MDGA2: variants seen among roughly 807,000 people sequenced by gnomAD.
MDGA2 encodes MAM domain-containing glycosylphosphatidylinositol anchor protein 2.
MDGA2 carries 40 observed loss-of-function variants against 117.8 expected under a neutral mutation model. That is an observed-to-expected ratio of 0.34 (90% CI 0.26 to 0.44). The LOEUF (loss-of-function observed/expected upper bound fraction) is 0.44. MDGA2 is among the 20% of genes least tolerant of loss of function. The pLI is 1.00. For missense variants in MDGA2, 1,123 were observed against 1,250.6 expected (o/e 0.90, Z 1.54); for synonymous variants, 452 against 439.0 (o/e 1.03, Z -0.37).
intron 1 of MDGA2, among the ~76,000 whole-genome samples, chr14:47,329,197 G>A (rs1314464055): frequency 2.0e-5 from 3 of 152,008 alleles, no homozygotes; most frequent in African/African-American, 7.2e-5. Flanking sequence ...CCCTCAAAGT[G>A]TTGAGATTAC....
At chr14:47,586,148 G>C (rs1896321064) in intron 1 of MDGA2, among the ~76,000 whole-genome samples, 1 of 151,852 alleles carries the variant, frequency 6.6e-6, no homozygotes, top group Non-Finnish European at 1.5e-5. Flanking sequence ...GTTAAATTAA[G>C]CTTGTTTCAA....
intron 1 of MDGA2, among the ~76,000 whole-genome samples, chr14:47,621,328 T>A (rs753346934): frequency 1.3e-5 from 2 of 151,998 alleles, no homozygotes; most frequent in Non-Finnish European, 2.9e-5. Flanking sequence ...CTGCCCAACC[T>A]CCCTCATCTT....
chr14:47,341,870 G>A (rs77154221), intron 1 of MDGA2, among the ~76,000 whole-genome samples: 25,333 of 151,942 alleles, frequency 0.17, 2,525 homozygotes, highest in South Asian at 0.34. Flanking sequence ...ACAGACTCTC[G>A]CTCTGTGGCC....
chr14:47,270,052 A>T (rs960897577), intron 2 of MDGA2, among the ~76,000 whole-genome samples: 5 of 152,170 alleles, frequency 3.3e-5, no homozygotes, highest in African/African-American at 4.8e-5. Flanking sequence ...GAAATTCCAT[A>T]ACAAGCTCTG....
At chr14:46,914,077 A>C (rs1435282809) in intron 10 of MDGA2, among the ~76,000 whole-genome samples, 1 of 152,154 alleles carries the variant, frequency 6.6e-6, no homozygotes, top group Non-Finnish European at 1.5e-5. Flanking sequence ...GAAACTGTAT[A>C]AAATTGTGTA....
At chr14:47,455,150 T>C (rs1294888175) in intron 1 of MDGA2, among the ~76,000 whole-genome samples, 6 of 152,230 alleles carry the variant, frequency 3.9e-5, no homozygotes, top group Non-Finnish European at 1.5e-5. Context: ...ATTTCTGTTG[T>C]ACAAAATAAT....
intron 1 of MDGA2, among the ~76,000 whole-genome samples, chr14:47,633,325 G>A (rs1257386050): frequency 1.3e-5 from 2 of 152,082 alleles, no homozygotes; most frequent in Non-Finnish European, 2.9e-5. Flanking sequence ...TTAAACCTTA[G>A]TTCAATAAAG....
intron 5 of MDGA2, among the ~76,000 whole-genome samples, chr14:47,125,811 T>C (rs1881872625): frequency 1.3e-5 from 2 of 152,028 alleles, no homozygotes; most frequent in African/African-American, 4.8e-5. Flanking sequence ...CACCTATCCC[T>C]TTTTTATACA....
intron 1 of MDGA2, among the ~76,000 whole-genome samples, chr14:47,373,786 T>A (rs1335246895): frequency 6.6e-6 from 1 of 152,240 alleles, no homozygotes; most frequent in East Asian, 1.9e-4. Flanking sequence ...TAAATAACAT[T>A]CAATGTTGGC....
At chr14:47,166,167 CTGGGACTACAGA>C (rs1883867644) in intron 3 of MDGA2, among the ~76,000 whole-genome samples, 1 of 151,720 alleles carries the variant, frequency 6.6e-6, no homozygotes, top group Admixed American at 6.6e-5. Flanking sequence ...TCCCGAGTAG[CTGGGACTACAGA>C]TGCATGCCAC....
At chr14:47,111,422 C>T (rs769361941) in intron 5 of MDGA2, among the ~76,000 whole-genome samples, 1 of 151,600 alleles carries the variant, frequency 6.6e-6, no homozygotes, top group Admixed American at 6.6e-5. Context: ...AGCATTGATG[C>T]CATCTAGTAT....
At chr14:46,923,487 G>A (rs1163971181) in intron 9 of MDGA2, among the ~76,000 whole-genome samples, 2 of 151,812 alleles carry the variant, frequency 1.3e-5, no homozygotes, top group Middle Eastern at 6.4e-3. Context: ...AGAAAATAAA[G>A]TTTTTTTTAG....
chr14:47,447,075 C>T (rs1893138222), intron 1 of MDGA2, among the ~76,000 whole-genome samples: 1 of 152,084 alleles, frequency 6.6e-6, no homozygotes, highest in South Asian at 2.1e-4. Context: ...CTTCCTTAAC[C>T]TGTGGATGAA....
chr14:47,610,184 C>T (rs926840880), intron 1 of MDGA2, among the ~76,000 whole-genome samples: 2 of 152,056 alleles, frequency 1.3e-5, no homozygotes, highest in African/African-American at 4.8e-5. Context: ...TAATAAAAGT[C>T]ATCTATGACA....
At chr14:47,153,168 A>T (rs1211022283) in intron 3 of MDGA2, among the ~76,000 whole-genome samples, 1 of 152,214 alleles carries the variant, frequency 6.6e-6, no homozygotes. Flanking sequence ...TAGAAAGATC[A>T]TCCTAGCTCC....
intron 1 of MDGA2, among the ~76,000 whole-genome samples, chr14:47,537,798 G>C (rs536650950): frequency 6.6e-6 from 1 of 151,864 alleles, no homozygotes; most frequent in South Asian, 2.1e-4. Flanking sequence ...TTAATTCCAG[G>C]GTTCACTGCA....
chr14:47,408,894 G>A (rs1892314736), intron 1 of MDGA2, among the ~76,000 whole-genome samples: 1 of 152,116 alleles, frequency 6.6e-6, no homozygotes, highest in Admixed American at 6.6e-5. Flanking sequence ...GAAAAGACAT[G>A]ATGGAGGTAA....
At chr14:47,355,179 G>A (rs1890966531) in intron 1 of MDGA2, among the ~76,000 whole-genome samples, 1 of 152,138 alleles carries the variant, frequency 6.6e-6, no homozygotes, top group South Asian at 2.1e-4. Flanking sequence ...TTACACATCA[G>A]AGAAGTAATG....
At chr14:47,612,650 C>T (rs1896873703) in intron 1 of MDGA2, among the ~76,000 whole-genome samples, 2 of 151,944 alleles carry the variant, frequency 1.3e-5, no homozygotes, top group South Asian at 4.2e-4. Context: ...GCTTCTATAC[C>T]TTCTCCAAGC....
Sources: allele counts gnomAD v4.1 joint callset (sites outside exome capture counted in the v4.1 genomes callset), GRCh38; gene constraint gnomAD v4.1.1; transcripts MANE v1.5; gene names NCBI Gene and HGNC (gene_info 2026-07-23, HGNC 2026-07-21).